The following TENM4 variants were observed in gnomAD, a reference collection of about 807,000 sequenced individuals.
TENM4 encodes the protein teneurin-4.
Under a neutral mutation model 243.3 loss-of-function variants are expected in TENM4, and 82 were observed. The ratio of observed to expected loss-of-function variants is 0.34; its 90% confidence interval spans 0.28 to 0.40. The LOEUF is 0.40. Among genes scored for constraint, TENM4 ranks in the 10% least tolerant of loss-of-function variants. The pLI is 1.00. For synonymous variants in TENM4, 1,412 were observed against 1,456.3 expected (o/e 0.97, Z 0.69); for missense variants, 3,138 against 3,673.3 (o/e 0.85, Z 3.77).
chr11:79,417,380 T>A (rs1430352305), intron 1 of TENM4, among the ~76,000 whole-genome samples: 1 of 152,126 alleles, frequency 6.6e-6, no homozygotes, highest in African/African-American at 2.4e-5. Flanking sequence ...AGGGGACTGG[T>A]CCCTCTTATC....
chr11:79,358,950 A>ATTT (rs202209074), intron 1 of TENM4, among the ~76,000 whole-genome samples: 10 of 144,222 alleles, frequency 6.9e-5, no homozygotes, highest in African/African-American at 2.5e-4. Context: ...GTAAAAAGGC[A>ATTT]TTTTTTTTTT....
intron 6 of TENM4, 148 bp from the exon 7 acceptor site, chr11:78,903,671 T>C: frequency 2.3e-6 from 3 of 1,293,750 alleles, no homozygotes; most frequent in African/African-American, 1.5e-5. Context: ...TACACGACAG[T>C]TGTTTATTGA....
chr11:79,187,925 AC>A (rs1863408145), intron 3 of TENM4, among the ~76,000 whole-genome samples: 1 of 152,162 alleles, frequency 6.6e-6, no homozygotes, highest in Admixed American at 6.5e-5. Flanking sequence ...TGTTGTTTAA[AC>A]CACCCAGTCT....
At chr11:79,270,801 T>G (rs935814412) in intron 2 of TENM4, among the ~76,000 whole-genome samples, 1 of 152,218 alleles carries the variant, frequency 6.6e-6, no homozygotes, top group South Asian at 2.1e-4. Flanking sequence ...TTGTATAATT[T>G]GCAGGGCAGT....
rs1857912295 is a variant in TENM4 at position 78,657,031 on chromosome 11, TAGAG to T, written c.*1023_*1026del. ...GGTGGAGGGAAGATACTCAAAGTCA[TAGAG>T]AGAGGGCTTTGCCTCGGAAGGCAGG... is the stretch of plus-strand genomic sequence containing the variant. On this transcript the variant is annotated 3_prime_UTR_variant, in exon 34 of 34. Coordinates refer to ENST00000278550, the MANE Select transcript of TENM4 (RefSeq NM_001098816.3). 5.0e-6 allele frequency: 2 copies of T among 398,608 alleles called. No individual in the cohort carries two copies. Among genetic ancestry groups the T allele is most frequent in the East Asian group, 7.1e-5 (2 of 28,052 alleles). The allele number at this position is 398,608 out of a possible 1,614,324, so 24.7% of individuals were successfully genotyped here.
rs12799966 is a variant in TENM4, at chr11:78,854,400, T to C, written c.1471-86A>G. The C allele has an allele frequency of 8.1e-3, 10,432 of 1,288,830 alleles. 62 individuals are homozygous for C. The highest frequency in any genetic ancestry group is 0.018 in the Middle Eastern group (64 of 3,580). 79.8% of individuals were successfully genotyped at this position (1,288,830 alleles called of 1,614,324 possible). A position where few individuals can be genotyped will look rare whatever the true frequency, so the allele number is the denominator to read the frequency against. On this transcript the variant is annotated intron_variant, in intron 11 of 33. Coordinates refer to ENST00000278550, the MANE Select transcript of TENM4 (RefSeq NM_001098816.3). ...CCCGGGGCTTCTCCTGGAGAGGACA[T>C]TGGGAAACACAAATAGAGGCAAAAA...
At chr11:79,115,293 G>T (rs780264930) in intron 4 of TENM4, among the ~76,000 whole-genome samples, 15 of 152,096 alleles carry the variant, frequency 9.9e-5, no homozygotes, top group Non-Finnish European at 1.9e-4. Flanking sequence ...AGCCTGGGGT[G>T]GGCAGAGGAG....
intron 19 of TENM4, among the ~76,000 whole-genome samples, chr11:78,739,791 A>T (rs1855879890): frequency 6.6e-6 from 1 of 152,184 alleles, no homozygotes; most frequent in Non-Finnish European, 1.5e-5. Flanking sequence ...GTGTCTGCAG[A>T]AGTCAGTTGG....
chr11:79,387,970 G>A (rs1379994453), intron 1 of TENM4, among the ~76,000 whole-genome samples: 1 of 152,172 alleles, frequency 6.6e-6, no homozygotes, highest in African/African-American at 2.4e-5. Flanking sequence ...ATGCCTGGGT[G>A]ACAATAAGAC....
intron 6 of TENM4, among the ~76,000 whole-genome samples, chr11:79,048,123 G>A (rs936415484): frequency 1.3e-5 from 2 of 152,108 alleles, no homozygotes; most frequent in Non-Finnish European, 2.9e-5. Context: ...GCCAGGAGCT[G>A]GCCTGGCACT....
At chr11:79,174,529 C>G (rs1211449708) in intron 3 of TENM4, among the ~76,000 whole-genome samples, 1 of 152,206 alleles carries the variant, frequency 6.6e-6, no homozygotes, top group East Asian at 1.9e-4. Context: ...CCACTGCTCT[C>G]CTTTTCCAGC....
chr11:79,200,020 C>T (rs1565246898), intron 3 of TENM4, among the ~76,000 whole-genome samples: 1 of 152,200 alleles, frequency 6.6e-6, no homozygotes, highest in Non-Finnish European at 1.5e-5. Flanking sequence ...CCCAGGCAGA[C>T]ACCTTGGAAA....
chr11:78,669,862 C>G lies in TENM4; in HGVS notation c.6483G>C (p.Ser2161=). The change falls in exon 32 of 34, where the codon TCG becomes TCC. Residue 2161 remains serine (S), a synonymous_variant. Coordinates refer to ENST00000278550, the MANE Select transcript of TENM4 (RefSeq NM_001098816.3). This position sits in a 1 kb window ranked among gnomAD's most constrained non-coding sequence, Gnocchi z 6.4. ...ACTGGACGGTCATCCAGTACATGAG[C>G]GAGCGGAAGATCTCATACTGCACTT... is the stretch of plus-strand genomic sequence containing the variant. ...MKEVQYEIFR[S]LMYWMTVQYD... The G allele has an allele frequency of 6.2e-7, 1 of 1,613,668 alleles. No individual in the cohort carries two copies. The highest frequency in any genetic ancestry group is 8.5e-7 in the Non-Finnish European group (1 of 1,179,774).
intron 15 of TENM4, among the ~76,000 whole-genome samples, chr11:78,797,932 G>A (rs1022050433): frequency 6.6e-6 from 1 of 152,120 alleles, no homozygotes; most frequent in African/African-American, 2.4e-5. Context: ...TCCTTTTGAT[G>A]TTTAATTGGA....
Position 79,438,592 on chromosome 11 carries a change from C to T in TENM4, c.-321+1917G>A, listed in dbSNP as rs867502782. On this transcript the variant is annotated intron_variant, in intron 1 of 33. Coordinates refer to ENST00000278550, the MANE Select transcript of TENM4 (RefSeq NM_001098816.3). This position sits in a 1 kb window ranked among gnomAD's most constrained non-coding sequence, Gnocchi z 4.1. Reference sequence around the variant, plus strand: ...GGCATCTCCAAGGGGGACCAGGCACCGCGGGCAGGTTTCTAAACACGTGAA... The same window carrying T: ...GGCATCTCCAAGGGGGACCAGGCACTGCGGGCAGGTTTCTAAACACGTGAA... Among the ~76,000 whole-genome samples, 2 of 152,150 alleles carry T rather than the reference C, an allele frequency of 1.3e-5. No individual in the cohort carries two copies. The highest frequency in any genetic ancestry group is 3.9e-4 in the East Asian group (2 of 5,162).
chr11:78,930,421 T>A (rs1316085271), intron 6 of TENM4, among the ~76,000 whole-genome samples: 1 of 152,170 alleles, frequency 6.6e-6, no homozygotes, highest in East Asian at 1.9e-4. Flanking sequence ...GGAAAGGAAC[T>A]TGGAGTTAGT....
At chr11:79,025,260 G>GGAAT (rs67342343) in intron 6 of TENM4, among the ~76,000 whole-genome samples, 12,371 of 150,966 alleles carry the variant, frequency 0.082, 637 homozygotes, top group African/African-American at 0.14. Flanking sequence ...GCATAACACT[G>GGAAT]GAATGAATGA....
intron 1 of TENM4, among the ~76,000 whole-genome samples, chr11:79,396,681 C>T (rs1368594582): frequency 6.6e-6 from 1 of 152,216 alleles, no homozygotes; most frequent in Non-Finnish European, 1.5e-5. Flanking sequence ...CCAAAGCGTC[C>T]ACTTCCCTTT....
intron 6 of TENM4, among the ~76,000 whole-genome samples, chr11:78,955,951 G>T (rs1857200299): frequency 6.6e-6 from 1 of 152,152 alleles, no homozygotes; most frequent in Admixed American, 6.5e-5. Flanking sequence ...GAGGCACCTG[G>T]TAGAGTGGAA....
Sources: allele counts gnomAD v4.1 joint callset (sites outside exome capture counted in the v4.1 genomes callset), GRCh38; gene constraint gnomAD v4.1.1; non-coding constraint Gnocchi (gnomAD v3.1); transcripts MANE v1.5; gene names NCBI Gene and HGNC (gene_info 2026-07-23, HGNC 2026-07-21).